RMND5B: variants seen among roughly 807,000 people sequenced by gnomAD.
RMND5B encodes the protein E3 ubiquitin-protein transferase RMND5B.
In RMND5B, 42 loss-of-function variants were observed where a neutral mutation model predicts 50.4. The ratio of observed to expected loss-of-function variants is 0.83; its 90% CI spans 0.65 to 1.08. RMND5B has a LOEUF of 1.08. Ranked by LOEUF, RMND5B falls within the 50% of genes least tolerant of loss-of-function variation. The probability of loss-of-function intolerance (pLI) is 0.00; values close to 1 mark genes in which losing one functional copy is unlikely to be tolerated. For missense variants in RMND5B, 463 were observed against 508.5 expected, an observed-to-expected ratio of 0.91 and a Z score of 0.86; for synonymous variants, 220 against 210.0, an observed-to-expected ratio of 1.05 and a Z score of -0.41.
In RMND5B at chr5:178,138,990, CAGG is replaced by C. The variant is rs1758769930; in HGVS notation, c.139+735_139+737del. Reference sequence around the variant, plus strand: ...CCGAGGCCGACAGATCACCTGAGATCAGGAGTTTAAAACCAGCCTGGCCAACAT... The same window carrying C: ...CCGAGGCCGACAGATCACCTGAGATCAGTTTAAAACCAGCCTGGCCAACAT... On this transcript the variant is annotated intron_variant, in intron 3 of 10. Coordinates refer to ENST00000313386, the MANE Select transcript of RMND5B (RefSeq NM_022762.5). The surrounding 1 kb of genome is among the most constrained non-coding windows in gnomAD (Gnocchi z 5.1). Among the ~76,000 whole-genome samples, 1 of 152,064 alleles carries C rather than the reference CAGG, an allele frequency of 6.6e-6. No individual in the cohort carries two copies. The highest frequency in any genetic ancestry group is 1.5e-5 in the Non-Finnish European group (1 of 68,024).
intron 2 of RMND5B, among the ~76,000 whole-genome samples, chr5:178,132,462 TAGCC>T (rs1758367021): frequency 6.6e-6 from 1 of 151,458 alleles, no homozygotes; most frequent in Non-Finnish European, 1.5e-5. Context: ...ACAAAAAAAT[TAGCC>T]AGGTGTGGTG....
intron 8 of RMND5B, chr5:178,146,562 A>G (rs1756018709): frequency 1.0e-5 from 4 of 393,798 alleles, no homozygotes; most frequent in Non-Finnish European, 1.9e-5. Context: ...CTCACCCTGG[A>G]TCATTGCAAG....
In RMND5B at chr5:178,149,879, C is replaced by A; in HGVS notation, c.*1847C>A. The A allele has an allele frequency of 6.2e-7, 1 of 1,609,010 alleles. No individual in the cohort carries two copies. Among genetic ancestry groups the A allele is most frequent in the Non-Finnish European group, 8.5e-7 (1 of 1,176,902 alleles). ...AAGTGCTGTTTGGAAAAAAGCTGTA[C>A]AACCTGTATGCCAGGAAGTCACCAA... On this transcript the variant is annotated 3_prime_UTR_variant, in exon 11 of 11. Transcript: ENST00000313386.
chr5:178,143,491 GC>G, intron 5 of RMND5B, 135 bp from the exon 6 acceptor site: 1 of 688,996 alleles, frequency 1.5e-6, no homozygotes, highest in Non-Finnish European at 2.5e-6. Flanking sequence ...CAAGTGGCTG[GC>G]AGGAGACCAA....
At chr5:178,143,042 C>T in intron 5 of RMND5B, 50 bp downstream of exon 5, 1 of 1,571,640 alleles carries the variant, frequency 6.4e-7, no homozygotes, top group Non-Finnish European at 8.6e-7. Context: ...TGCCTTTCAC[C>T]TGCTAGTTTT....
chr5:178,144,558 C>G (rs1755879070), intron 7 of RMND5B, among the ~76,000 whole-genome samples: 1 of 151,724 alleles, frequency 6.6e-6, no homozygotes, highest in Non-Finnish European at 1.5e-5. Flanking sequence ...ATGGTAAAAC[C>G]CCATCTCTAC....
rs58292208 is a variant in RMND5B at position 178,150,384 on chromosome 5, A to ATT, written c.*2363_*2364dup. 70 of 225,750 alleles carry ATT rather than the reference A, an allele frequency of 3.1e-4. No homozygotes were observed. The highest frequency in any genetic ancestry group is 5.8e-4 in the South Asian group (11 of 19,124). 14.0% of individuals were successfully genotyped at this position (225,750 alleles called of 1,614,324 possible). ...TACCCAAGATCCACCCCCAGCCTCTATTTTTTTTTTTTGAGACAGGGCCTC... is the reference window on the plus strand; with the variant it reads ...TACCCAAGATCCACCCCCAGCCTCTATTTTTTTTTTTTTTGAGACAGGGCCTC... On this transcript the variant is annotated 3_prime_UTR_variant, in exon 11 of 11. Transcript: ENST00000313386.
intron 6 of RMND5B, 75 bp from the exon 7 acceptor site, chr5:178,143,867 G>C (rs970424690): frequency 1.9e-6 from 3 of 1,556,876 alleles, no homozygotes; most frequent in Admixed American, 3.4e-5. Context: ...GGCTTTTGGG[G>C]CCCTCCTCTC....
At chr5:178,139,600 A>G (rs1283382601) in intron 3 of RMND5B, among the ~76,000 whole-genome samples, 1 of 149,174 alleles carries the variant, frequency 6.7e-6, no homozygotes, top group Admixed American at 6.7e-5. Context: ...CTGGAGTGCA[A>G]TGGCGCAATC....
At position 178,146,161 on chromosome 5, in the gene RMND5B, G is replaced by T; in HGVS notation, c.742G>T (p.Glu248Ter). The change falls in exon 8 of 11, where the codon GAG becomes TAG. Residue 248 changes from glutamate (E) to a stop codon, truncating the protein, a stop_gained. Coordinates refer to ENST00000313386, the MANE Select transcript of RMND5B (RefSeq NM_022762.5). LOFTEE classifies it high-confidence loss of function. ...CCTGGTGTACCTGCGGCTGGGCTTG[G>T]AGAAGTCACCCTACTGCCACCTGCT... ...GSLVYLRLGL[E>*]KSPYCHLLDS... 6.2e-7 allele frequency: 1 copy of T among 1,614,194 alleles called. No homozygotes were observed.
At chr5:178,131,407 C>CA (rs911771545) in intron 2 of RMND5B, 31 bp downstream of exon 2, 118 of 152,298 alleles carry the variant, frequency 7.7e-4, no homozygotes, top group African/African-American at 2.8e-3. Context: ...GGCTATGGAG[C>CA]AGGGTCTTTG....
At chr5:178,143,146 T>C (rs978159021) in intron 5 of RMND5B, among the ~76,000 whole-genome samples, 154 bp downstream of exon 5, 2 of 152,144 alleles carry the variant, frequency 1.3e-5, no homozygotes, top group Non-Finnish European at 2.9e-5. Flanking sequence ...TAAAAACATA[T>C]ATGATGAAAA....
intron 3 of RMND5B, among the ~76,000 whole-genome samples, chr5:178,140,765 G>A (rs1207980808): frequency 6.6e-6 from 1 of 151,928 alleles, no homozygotes; most frequent in Non-Finnish European, 1.5e-5. Flanking sequence ...AGGAGGTGGA[G>A]GTTGCAGCGA....
chr5:178,142,728 G>A lies in RMND5B; in HGVS notation c.285G>A (p.Arg95=). 6.2e-7 allele frequency: 1 copy of A among 1,614,230 alleles called. No homozygotes were observed. Among genetic ancestry groups the A allele is most frequent in the Non-Finnish European group, 8.5e-7 (1 of 1,180,044 alleles). ...CCCGAGTGGGCAAAGCCATTGACAG[G>A]GTGAGCACGTGGCCGGCTCCAGGCG... is the stretch of plus-strand genomic sequence containing the variant. ...SVSRVGKAID[R]NFDSEICGVV... is the part of the protein sequence containing the mutation. The change falls in exon 4 of 11, where the codon AGG becomes AGA. Residue 95 remains arginine (R), a splice_region_variant and synonymous_variant. Transcript: ENST00000313386.
At position 178,138,140 on chromosome 5, in the gene RMND5B, GGA is replaced by G; in HGVS notation, c.29_30del (p.Glu10AlafsTer16). 6.2e-7 allele frequency: 1 copy of G among 1,607,662 alleles called. No individual in the cohort carries two copies. The highest frequency in any genetic ancestry group is 8.5e-7 in the Non-Finnish European group (1 of 1,177,182). On this transcript the variant is annotated frameshift_variant, in exon 3 of 11. Coordinates refer to ENST00000313386, the MANE Select transcript of RMND5B (RefSeq NM_022762.5). LOFTEE classifies it high-confidence loss of function. This position sits in a 1 kb window ranked among gnomAD's most constrained non-coding sequence, Gnocchi z 5.1. ...CCACCATGGAGCAGTGTGCGTGCGTGGAGAGAGAGCTGGACAAGGTCCTGCAG... is the reference window on the plus strand; with the variant it reads ...CCACCATGGAGCAGTGTGCGTGCGTGGAGAGAGCTGGACAAGGTCCTGCAG... The part of the protein sequence containing the change: MEQCACV[E>X]RELDKVLQKF...
chr5:178,145,528 C>CA lies in RMND5B; in HGVS notation c.695-578dup, dbSNP rs567656877. ...AAAAACACACAAAAAACACACACACCAAAAAAAACAAGTGCCTGACACCAC... is the reference window on the plus strand; with the variant it reads ...AAAAACACACAAAAAACACACACACCAAAAAAAAACAAGTGCCTGACACCAC... On this transcript the variant is annotated intron_variant, in intron 7 of 10. Transcript: ENST00000313386. 1.3e-3 allele frequency among the ~76,000 whole-genome samples: 201 copies of CA among 150,854 alleles called. 2 individuals carry two copies. In the South Asian group the frequency reaches 0.032, roughly 24 times the overall value.
In RMND5B at chr5:178,146,170, C is replaced by T; in HGVS notation, c.751C>T (p.Pro251Ser). ...CCTGCGGCTGGGCTTGGAGAAGTCA[C>T]CCTACTGCCACCTGCTGGACAGCAG... The part of the protein sequence containing the change: ...VYLRLGLEKS[P>S]YCHLLDSSHW... The change falls in exon 8 of 11, where the codon CCC becomes TCC. Residue 251 changes from proline (P) to serine (S), a missense_variant. By Grantham distance (74) the Pro-to-Ser change is moderately conservative. Transcript: ENST00000313386. 6.2e-7 allele frequency: 1 copy of T among 1,614,148 alleles called. No homozygotes were observed.
intron 6 of RMND5B, 54 bp from the exon 7 acceptor site, chr5:178,143,888 T>G: frequency 6.3e-7 from 1 of 1,592,834 alleles, no homozygotes; most frequent in East Asian, 2.2e-5. Flanking sequence ...AGGTGCTGGC[T>G]CTCAGGTCCT....
At position 178,138,105 on chromosome 5, in the gene RMND5B, C is replaced by T; in HGVS notation, c.-12-3C>T. 2 of 1,576,462 alleles carry T rather than the reference C, an allele frequency of 1.3e-6. No individual in the cohort carries two copies. Among genetic ancestry groups the T allele is most frequent in the Non-Finnish European group, 1.7e-6 (2 of 1,161,786 alleles). On this transcript the variant is annotated splice_polypyrimidine_tract_variant and splice_region_variant and intron_variant, in intron 2 of 10. Coordinates refer to ENST00000313386, the MANE Select transcript of RMND5B (RefSeq NM_022762.5). The surrounding 1 kb of genome is among the most constrained non-coding windows in gnomAD (Gnocchi z 5.1). ...GGGGCCTGACCCAGCTGACCCTCCC[C>T]AGGCTGAGGCCACCATGGAGCAGTG...
Sources: gnomAD v4.1 joint callset for allele counts (sites outside exome capture counted in the v4.1 genomes callset) on GRCh38, gnomAD v4.1.1 for gene constraint, Gnocchi (gnomAD v3.1) non-coding constraint, MANE v1.5 for transcripts, NCBI Gene and HGNC (gene_info 2026-07-23, HGNC 2026-07-21) for gene names.